The following CAPN5 variants were observed in gnomAD, a reference collection of about 807,000 sequenced individuals.
The protein encoded by CAPN5 is calpain 5.
A neutral mutation model predicts 73.0 loss-of-function variants in CAPN5; 54 were observed. The ratio of observed to expected loss-of-function variants is 0.74; its 90% confidence interval spans 0.59 to 0.93. CAPN5 has a LOEUF of 0.93. Ranked by LOEUF, CAPN5 falls within the 40% of genes least tolerant of loss-of-function variation. The probability of loss-of-function intolerance (pLI) is 0.00; values close to 1 mark genes in which losing one functional copy is unlikely to be tolerated. For missense variants in CAPN5, 785 were observed against 882.9 expected (o/e 0.89, Z 1.41); for synonymous variants, 335 against 356.9 (o/e 0.94, Z 0.69).
At chr11:77,106,304 A>C (rs1289824313) in intron 3 of CAPN5, among the ~76,000 whole-genome samples, 1 of 104,074 alleles carries the variant, frequency 9.6e-6, no homozygotes, top group Non-Finnish European at 1.9e-5. Context: ...TGCCTCCCTG[A>C]CACCCCCTCC....
chr11:77,106,877 G>A (rs1950353856), intron 3 of CAPN5, among the ~76,000 whole-genome samples: 1 of 152,254 alleles, frequency 6.6e-6, no homozygotes, highest in Non-Finnish European at 1.5e-5. Context: ...CTGGCTCTGT[G>A]GTCCGAGAGA....
chr11:77,119,221 C>A, intron 9 of CAPN5, 69 bp downstream of exon 9: 1 of 1,528,536 alleles, frequency 6.5e-7, no homozygotes, highest in Non-Finnish European at 8.9e-7. Flanking sequence ...CTGCCCATGC[C>A]TGAGGAAGAA....
At position 77,125,623 on chromosome 11, in the gene CAPN5, TA is replaced by T. The variant is rs1272021618; in HGVS notation, c.*1754del. On this transcript the variant is annotated 3_prime_UTR_variant, in exon 13 of 13. Coordinates refer to ENST00000648180, the MANE Select transcript of CAPN5 (RefSeq NM_004055.5). ...TCTGTATGCACACGCACTATATATATATATATATATATATATACATTCATGT... is the reference window on the plus strand; with the variant it reads ...TCTGTATGCACACGCACTATATATATTATATATATATATATACATTCATGT... 1 of 119,816 alleles carries T rather than the reference TA, an allele frequency of 8.3e-6. No individual in the cohort carries two copies. Among genetic ancestry groups the T allele is most frequent in the Non-Finnish European group, 1.7e-5 (1 of 59,328 alleles). 7.4% of individuals were successfully genotyped at this position (119,816 alleles called of 1,614,324 possible). A position where few individuals can be genotyped will look rare whatever the true frequency, so the allele number is the denominator to read the frequency against.
intron 2 of CAPN5, among the ~76,000 whole-genome samples, chr11:77,085,545 G>C (rs1950076716): frequency 1.3e-5 from 2 of 152,136 alleles, no homozygotes; most frequent in South Asian, 4.1e-4. Flanking sequence ...CTACCTCATA[G>C]AGTGGTTGTG....
Position 77,116,259 on chromosome 11 carries a change from G to A in CAPN5, c.927G>A (p.Glu309=), listed in dbSNP as rs781877051. 1 of 1,613,808 alleles carries A rather than the reference G, an allele frequency of 6.2e-7. No homozygotes were observed. Among genetic ancestry groups the A allele is most frequent in the Non-Finnish European group, 8.5e-7 (1 of 1,179,902 alleles). ...SEEWQKVSKS[E]REKMGVTVQD... is the part of the protein sequence containing the mutation. ...AGTGGCAGAAAGTGAGCAAGAGTGA[G>A]CGGGAGAAGATGGGTGTGACCGTGC... The change falls in exon 7 of 13, where the codon GAG becomes GAA. Residue 309 remains glutamate, a synonymous_variant. Coordinates refer to ENST00000648180, the MANE Select transcript of CAPN5 (RefSeq NM_004055.5).
chr11:77,123,773 C>T lies in CAPN5; in HGVS notation c.1826C>T (p.Thr609Ile). The T allele has an allele frequency of 6.2e-7, 1 of 1,613,956 alleles. No individual in the cohort carries two copies. The highest frequency in any genetic ancestry group is 8.5e-7 in the Non-Finnish European group (1 of 1,179,980). ...CCGGACAACCTCCAGGCCCTGCATA[C>T]CCTCCACCTCCGGGACCGAAATAGC... Reference protein sequence around the residue: ...ADPDNLQALHTLHLRDRNSRQ... With the variant: ...ADPDNLQALHILHLRDRNSRQ... The change falls in exon 13 of 13, where the codon ACC (threonine) becomes ATC (isoleucine). Residue 609 changes from threonine (T) to isoleucine (I), a missense_variant. Coordinates refer to ENST00000648180, the MANE Select transcript of CAPN5 (RefSeq NM_004055.5).
At chr11:77,109,999 T>C (rs1346200599) in intron 3 of CAPN5, among the ~76,000 whole-genome samples, 3 of 152,164 alleles carry the variant, frequency 2.0e-5, no homozygotes, top group Non-Finnish European at 4.4e-5. Flanking sequence ...CAGGCCTGTG[T>C]TCTCAGCTTA....
intron 3 of CAPN5, 106 bp from the exon 4 acceptor site, chr11:77,112,483 A>G: frequency 1.2e-6 from 1 of 848,156 alleles, no homozygotes; most frequent in Admixed American, 1.9e-5. Context: ...CGAACCCAGT[A>G]TTCCTTTACA....
intron 10 of CAPN5, 53 bp from the exon 11 acceptor site, chr11:77,121,881 T>C: frequency 1.0e-6 from 1 of 975,090 alleles, no homozygotes; most frequent in Non-Finnish European, 1.5e-6. Context: ...TCTTCACCCC[T>C]GTCTTCCTGG....
intron 2 of CAPN5, among the ~76,000 whole-genome samples, chr11:77,093,064 A>G (rs1304337528): frequency 2.0e-5 from 3 of 152,244 alleles, no homozygotes; most frequent in African/African-American, 7.2e-5. Context: ...GTCACAGTCC[A>G]TCTCTGAACC....
chr11:77,126,130 CAATA>C lies in CAPN5; in HGVS notation c.*2264_*2267del, dbSNP rs1269248032. ...GGGGACAGGAAGCCTGTTCTATTCT[CAATA>C]AATCTTACAAAATTCCAAAAAGACT... is the stretch of plus-strand genomic sequence containing the variant. On this transcript the variant is annotated 3_prime_UTR_variant, in exon 13 of 13. Coordinates refer to ENST00000648180, the MANE Select transcript of CAPN5 (RefSeq NM_004055.5). 2.0e-5 allele frequency: 3 copies of C among 152,208 alleles called. No homozygotes were observed. Among genetic ancestry groups the C allele is most frequent in the African/African-American group, 7.2e-5 (3 of 41,450 alleles). 9.4% of individuals were successfully genotyped at this position (152,208 alleles called of 1,614,324 possible). A position where few individuals can be genotyped will look rare whatever the true frequency, so the allele number is the denominator to read the frequency against.
intron 2 of CAPN5, 73 bp from the exon 3 acceptor site, chr11:77,093,609 G>GCTCCTCCGCCCC: frequency 7.2e-7 from 1 of 1,384,520 alleles, no homozygotes; most frequent in East Asian, 2.5e-5. Flanking sequence ...GTCTGTGTCT[G>GCTCCTCCGCCCC]TCATGTCTCC....
chr11:77,118,912 C>T (rs1166590037), intron 8 of CAPN5, 118 bp from the exon 9 acceptor site: 14 of 1,112,296 alleles, frequency 1.3e-5, no homozygotes, highest in Admixed American at 1.0e-4. Flanking sequence ...GGGACCAAGG[C>T]GCAGAGAGGT....
In CAPN5 at chr11:77,090,136, G is replaced by C. The variant is rs150693894; in HGVS notation, c.166-3546G>C. ...TATTTCTATTATTGTTCCTTTACAG[G>C]TGCCCCAAGGTGGCCCCTGGATTCC... On this transcript the variant is annotated intron_variant, in intron 2 of 12. Coordinates refer to ENST00000648180, the MANE Select transcript of CAPN5 (RefSeq NM_004055.5). 1.3e-4 allele frequency among the ~76,000 whole-genome samples: 20 copies of C among 152,262 alleles called. No homozygotes were observed. In the East Asian group the frequency reaches 1.7e-3, roughly 13 times the overall value.
intron 1 of CAPN5, among the ~76,000 whole-genome samples, chr11:77,068,866 T>C (rs573928384): frequency 5.9e-5 from 9 of 152,190 alleles, no homozygotes; most frequent in Admixed American, 2.6e-4. Flanking sequence ...GGGACCACCA[T>C]TGGGGGTGGA....
chr11:77,112,823 G>T (rs781993137), intron 4 of CAPN5, 26 bp downstream of exon 4: 1 of 1,609,904 alleles, frequency 6.2e-7, no homozygotes, highest in Non-Finnish European at 8.5e-7. Context: ...AGGCAGGTGG[G>T]TGGGAGGCCC....
At chr11:77,088,491 C>T (rs888306199) in intron 2 of CAPN5, among the ~76,000 whole-genome samples, 6 of 151,770 alleles carry the variant, frequency 4.0e-5, no homozygotes, top group South Asian at 4.2e-4. Flanking sequence ...TTGAAGGGTG[C>T]GGACTGCCAT....
At chr11:77,089,257 C>T (rs1275934353) in intron 2 of CAPN5, among the ~76,000 whole-genome samples, 1 of 152,234 alleles carries the variant, frequency 6.6e-6, no homozygotes, top group South Asian at 2.1e-4. Flanking sequence ...CAGGACACTT[C>T]GGGTCCCCAT....
At chr11:77,109,313 T>A (rs1368573098) in intron 3 of CAPN5, among the ~76,000 whole-genome samples, 1 of 152,206 alleles carries the variant, frequency 6.6e-6, no homozygotes, top group Non-Finnish European at 1.5e-5. Context: ...TCCCTCCATC[T>A]ACTATTTGGT....
Sources: gnomAD v4.1 joint callset for allele counts (sites outside exome capture counted in the v4.1 genomes callset) on GRCh38, gnomAD v4.1.1 for gene constraint, MANE v1.5 for transcripts, NCBI Gene and HGNC (gene_info 2026-07-23, HGNC 2026-07-21) for gene names.